Variants in DGKD observed in about 807,000 individuals in gnomAD.
DGKD encodes DAG kinase delta.
In DGKD, 68 loss-of-function variants were observed where a neutral mutation model predicts 154.4. The observed-to-expected ratio is 0.44, with a 90% CI of 0.36 to 0.54. DGKD has a LOEUF of 0.54. Among genes scored for constraint, DGKD ranks in the 20% least tolerant of loss-of-function variants. The pLI, the probability that DGKD is intolerant of heterozygous loss-of-function variation, is 0.00. For synonymous variants in DGKD, 693 were observed against 638.0 expected (o/e 1.09, Z -1.30); for missense variants, 1,343 against 1,593.6 (o/e 0.84, Z 2.68).
At chr2:233,382,658 T>G (rs1702960648) in intron 1 of DGKD, among the ~76,000 whole-genome samples, 1 of 152,202 alleles carries the variant, frequency 6.6e-6, no homozygotes, top group African/African-American at 2.4e-5. Flanking sequence ...TGTTTTTCAT[T>G]TGTTTGTCTT....
At chr2:233,424,716 T>C (rs561467437) in intron 3 of DGKD, among the ~76,000 whole-genome samples, 16 of 152,308 alleles carry the variant, frequency 1.1e-4, no homozygotes, top group African/African-American at 2.9e-4. Flanking sequence ...GCTCATTTGC[T>C]GTGGGACTGT....
In DGKD at chr2:233,354,577, C is replaced by T; in HGVS notation, c.59C>T (p.Pro20Leu). 4.6e-6 allele frequency: 5 copies of T among 1,084,548 alleles called. No homozygotes were observed. The South Asian group carries it at 8.9e-5, about 19-fold the overall frequency. 67.2% of individuals were successfully genotyped at this position (1,084,548 alleles called of 1,614,324 possible). ...CCCCCGCAACCGCCTCCGCCGCCGC[C>T]GCCCGAGGAGTCGTCCGACAGCGAG... ...PGPPQPPPPP[P>L]PEESSDSEPE... Residue 20 changes from proline to leucine, a missense_variant, in exon 1 of 30, where the codon CCG (proline) becomes CTG (leucine). Physicochemically the swap from Pro to Leu is moderately conservative, Grantham distance 98. This residue lies in a region of DGKD where 57 missense variants were observed against 27.8 expected (regional missense o/e 2.05). Transcript: ENST00000264057. The surrounding 1 kb of genome is among the most constrained non-coding windows in gnomAD (Gnocchi z 4.8).
Position 233,445,696 on chromosome 2 carries a change from A to G in DGKD, c.1268A>G (p.Asp423Gly). 1.9e-6 allele frequency: 3 copies of G among 1,613,698 alleles called. No individual in the cohort carries two copies. Among genetic ancestry groups the G allele is most frequent in the Non-Finnish European group, 2.5e-6 (3 of 1,179,852 alleles). Residue 423 changes from aspartate to glycine, a missense_variant, in exon 11 of 30, where the codon GAT becomes GGT. Physicochemically the swap from Asp to Gly is moderately conservative, Grantham distance 94 (BLOSUM62 -1). Coordinates refer to ENST00000264057, the MANE Select transcript of DGKD (RefSeq NM_152879.3). The surrounding 1 kb of genome is among the most constrained non-coding windows in gnomAD (Gnocchi z 5.5). ...GTACTGGGCTGGGGCTCAGCCTGCG[A>G]TGACGACACCCAGCTCCCCCAGATC... ...ARVLGWGSAC[D>G]DDTQLPQILE... is the part of the protein sequence containing the mutation.
intron 1 of DGKD, among the ~76,000 whole-genome samples, chr2:233,375,129 A>C (rs142161647): frequency 6.6e-6 from 1 of 152,244 alleles, no homozygotes; most frequent in Non-Finnish European, 1.5e-5. Context: ...GTCTCTACTA[A>C]AAATAACAAA....
At chr2:233,370,548 G>A (rs975570720) in intron 1 of DGKD, among the ~76,000 whole-genome samples, 6 of 143,528 alleles carry the variant, frequency 4.2e-5, no homozygotes, top group Non-Finnish European at 7.6e-5. Flanking sequence ...GCTTATTTAC[G>A]TTGTACGTTT....
rs1559175448 is a variant in DGKD, at chr2:233,458,239, CG to C, written c.2581-41del. On this transcript the variant is annotated intron_variant, in intron 21 of 29. Transcript: ENST00000264057. This position sits in a 1 kb window ranked among gnomAD's most constrained non-coding sequence, Gnocchi z 6.6. ...AGTGAGGGTAGGGGCGGCCTGTGCT[CG>C]GGGATGTGTGGAGTGGTGGTCAGCT... 2.2e-6 allele frequency: 3 copies of C among 1,369,470 alleles called. No homozygotes were observed. The highest frequency in any genetic ancestry group is 1.7e-5 in the Admixed American group (1 of 58,280). 84.8% of individuals were successfully genotyped at this position (1,369,470 alleles called of 1,614,324 possible). A position where few individuals can be genotyped will look rare whatever the true frequency, so the allele number is the denominator to read the frequency against.
At position 233,469,389 on chromosome 2, in the gene DGKD, G is replaced by T. The variant is rs1182059600; in HGVS notation, c.3574G>T (p.Val1192Leu). 6.2e-7 allele frequency: 1 copy of T among 1,612,300 alleles called. No homozygotes were observed. The highest frequency in any genetic ancestry group is 8.5e-7 in the Non-Finnish European group (1 of 1,179,394). ...RDLKDLGVTKVGHMKRILCGI... is the reference protein window; with the variant it reads ...RDLKDLGVTKLGHMKRILCGI... ...GTTGCAGGACCTGGGCGTGACCAAGGTGGGCCACATGAAGAGGATCCTGTG... is the reference window on the plus strand; with the variant it reads ...GTTGCAGGACCTGGGCGTGACCAAGTTGGGCCACATGAAGAGGATCCTGTG... The change falls in exon 30 of 30, where the codon GTG becomes TTG. Residue 1192 changes from valine (V) to leucine (L), a missense_variant. Around this residue, in one of 6 missense-constraint regions of DGKD, gnomAD observed 429 missense variants for 496.3 expected, o/e 0.86. Coordinates refer to ENST00000264057, the MANE Select transcript of DGKD (RefSeq NM_152879.3).
chr2:233,414,379 A>C (rs750752721), intron 3 of DGKD, among the ~76,000 whole-genome samples: 6 of 152,194 alleles, frequency 3.9e-5, no homozygotes, highest in Non-Finnish European at 7.3e-5. Context: ...GGAAACTTAG[A>C]ACAACAGCTG....
At chr2:233,431,787 T>A (rs899002680) in intron 3 of DGKD, among the ~76,000 whole-genome samples, 1 of 152,216 alleles carries the variant, frequency 6.6e-6, no homozygotes, top group East Asian at 1.9e-4. Flanking sequence ...AGAATGAAAC[T>A]AGACTCCCAT....
intron 3 of DGKD, among the ~76,000 whole-genome samples, chr2:233,399,706 A>G (rs1349546178): frequency 6.6e-6 from 1 of 152,090 alleles, no homozygotes; most frequent in African/African-American, 2.4e-5. Flanking sequence ...GCAGGGTGGT[A>G]AAGTTGGGTT....
At position 233,459,478 on chromosome 2, in the gene DGKD, C is replaced by T. The variant is rs985062119; in HGVS notation, c.2695-279C>T. 2.0e-5 allele frequency among the ~76,000 whole-genome samples: 3 copies of T among 150,408 alleles called. No individual in the cohort carries two copies. Among genetic ancestry groups the T allele is most frequent in the African/African-American group, 7.3e-5 (3 of 41,078 alleles). On this transcript the variant is annotated intron_variant, in intron 22 of 29. Coordinates refer to ENST00000264057, the MANE Select transcript of DGKD (RefSeq NM_152879.3). The surrounding 1 kb of genome is among the most constrained non-coding windows in gnomAD (Gnocchi z 5.7). ...GCTACAACACCCCTGCCCCTGGGTT[C>T]TGACACCTGTTGTCTCAGCACCAAG...
chr2:233,391,252 T>G (rs1224749374), intron 3 of DGKD, among the ~76,000 whole-genome samples: 1 of 152,230 alleles, frequency 6.6e-6, no homozygotes, highest in African/African-American at 2.4e-5. Context: ...TAGGACTTTC[T>G]GCAAAAGTTC....
chr2:233,456,797 G>A (rs897747986), intron 19 of DGKD, 102 bp from the exon 20 acceptor site: 1 of 847,760 alleles, frequency 1.2e-6, no homozygotes, highest in African/African-American at 1.7e-5. Context: ...AAATGTAGCT[G>A]ATTTGTGGGT....
chr2:233,462,865 G>C, intron 26 of DGKD, 130 bp downstream of exon 26: 1 of 819,166 alleles, frequency 1.2e-6, no homozygotes, highest in South Asian at 1.5e-5. Flanking sequence ...GGCCGCAGAG[G>C]TCATTTGGTT....
rs994264463 is a variant in DGKD at position 233,437,451 on chromosome 2, C to A, written c.894C>A (p.Pro298=). 6.2e-7 allele frequency: 1 copy of A among 1,614,234 alleles called. No homozygotes were observed. Among genetic ancestry groups the A allele is most frequent in the South Asian group, 1.1e-5 (1 of 91,070 alleles). Residue 298 remains proline (P), a synonymous_variant, in exon 8 of 30, where the codon CCC becomes CCA. Coordinates refer to ENST00000264057, the MANE Select transcript of DGKD (RefSeq NM_152879.3). ...TGTGCAAAGTGTCAGTCATCCCACC[C>A]ACGGCTCTCAACAGCATCGACTCCG... ...LGLCKVSVIP[P]TALNSIDSDG...
rs1364514319 is a variant in DGKD at position 233,427,264 on chromosome 2, C to T, written c.349-7116C>T. Among the ~76,000 whole-genome samples the T allele has an allele frequency of 8.6e-5, 13 of 151,530 alleles. No homozygotes were observed. The East Asian group carries it at 2.3e-3, about 27-fold the overall frequency. ...AGTTCTGCTCCTTCTCTTGGTGGGA[C>T]GTCCTGCAGCCTGGCCTTTTGAATC... On this transcript the variant is annotated intron_variant, in intron 3 of 29. Transcript: ENST00000264057.
intron 10 of DGKD, among the ~76,000 whole-genome samples, chr2:233,443,416 A>G (rs1056559489): frequency 2.0e-5 from 3 of 151,852 alleles, no homozygotes; most frequent in East Asian, 1.9e-4. Flanking sequence ...GTCACTGCAG[A>G]TATTTTTTTC....
Position 233,438,348 on chromosome 2 carries a change from T to TTC in DGKD, c.1055_1056dup (p.Asp353SerfsTer4). On this transcript the variant is annotated frameshift_variant, in exon 9 of 30. Coordinates refer to ENST00000264057, the MANE Select transcript of DGKD (RefSeq NM_152879.3). LOFTEE classifies it high-confidence loss of function. This position sits in a 1 kb window ranked among gnomAD's most constrained non-coding sequence, Gnocchi z 4.1. ...ACAGCTACTAAACCCCGCCCAGGTC[T>TTC]TCGACCTCATGAACGGAGGCCCACA... The TTC allele has an allele frequency of 6.2e-7, 1 of 1,614,056 alleles. No homozygotes were observed. Among genetic ancestry groups the TTC allele is most frequent in the Non-Finnish European group, 8.5e-7 (1 of 1,179,936 alleles).
intron 12 of DGKD, 110 bp downstream of exon 12, chr2:233,446,906 G>A (rs1297405034): frequency 2.3e-6 from 3 of 1,286,260 alleles, no homozygotes; most frequent in Non-Finnish European, 3.3e-6. Context: ...TTTGGTGTTG[G>A]GGTGTCACAG....
Sources: allele counts gnomAD v4.1 joint callset (sites outside exome capture counted in the v4.1 genomes callset), GRCh38; gene constraint gnomAD v4.1.1; regional missense constraint gnomAD v4.1.1; non-coding constraint Gnocchi (gnomAD v3.1); transcripts MANE v1.5; gene names NCBI Gene and HGNC (gene_info 2026-07-23, HGNC 2026-07-21).